The following WWOX variants were observed in gnomAD, a reference collection of about 807,000 sequenced individuals.
WWOX encodes the protein WW domain containing oxidoreductase.
WWOX carries 69 observed loss-of-function variants against 46.2 expected under a neutral mutation model. The ratio of observed to expected loss-of-function variants is 1.49; its 90% CI spans 1.23 to 1.82. WWOX has a LOEUF of 1.82. WWOX is among the 40% of genes most tolerant of loss of function. The pLI is 0.00. For synonymous variants in WWOX, 359 were observed against 202.6 expected, an observed-to-expected ratio of 1.77 and a Z score of -6.56; for missense variants, 919 against 542.6, an observed-to-expected ratio of 1.69 and a Z score of -6.89.
rs117481092 is a variant in WWOX at position 78,903,715 on chromosome 16, G to A, written c.1057-307893G>A. ...CACCTGGACACTTCGCTCTAGGCACGTGTCTTCTTCAAGCTGCCATCCATT... is the reference window on the plus strand; with the variant it reads ...CACCTGGACACTTCGCTCTAGGCACATGTCTTCTTCAAGCTGCCATCCATT... On this transcript the variant is annotated intron_variant, in intron 8 of 8. Coordinates refer to ENST00000566780, the MANE Select transcript of WWOX (RefSeq NM_016373.4). Among the ~76,000 whole-genome samples, 213 of 152,256 alleles carry A rather than the reference G, an allele frequency of 1.4e-3. 6 individuals carry two copies. The East Asian group carries it at 0.04, about 28-fold the overall frequency.
In WWOX at chr16:78,736,574, TTTC is replaced by T. The variant is rs200322234; in HGVS notation, c.1056+303825_1056+303827del. On this transcript the variant is annotated intron_variant, in intron 8 of 8. Transcript: ENST00000566780. ...TTTTCCTTTTCTTCTCTTCTCTTTC[TTTC>T]TTGTTTTGTTTTGTTGTTTTATTTT... is the stretch of plus-strand genomic sequence containing the variant. Among the ~76,000 whole-genome samples the T allele has an allele frequency of 3.9e-3, 582 of 147,862 alleles. 2 individuals carry two copies. Among genetic ancestry groups the T allele is most frequent in the African/African-American group, 0.014 (544 of 38,766 alleles).
intron 5 of WWOX, among the ~76,000 whole-genome samples, chr16:78,242,231 A>G (rs1424242615): frequency 1.3e-5 from 2 of 152,204 alleles, no homozygotes; most frequent in Non-Finnish European, 2.9e-5. Flanking sequence ...GTATTTTATT[A>G]GACATAATTC....
chr16:79,037,230 G>A (rs67991121), intron 8 of WWOX, among the ~76,000 whole-genome samples: 66,328 of 151,962 alleles, frequency 0.44, 15,232 homozygotes, highest in East Asian at 0.65. Flanking sequence ...TCATTTGTTC[G>A]TTCTCTCTCT....
chr16:78,713,402 G>C (rs544831739), intron 8 of WWOX, among the ~76,000 whole-genome samples: 64 of 150,552 alleles, frequency 4.3e-4, no homozygotes, highest in African/African-American at 1.3e-3. Flanking sequence ...TCTTGATGCT[G>C]TTATTATTTG....
intron 8 of WWOX, among the ~76,000 whole-genome samples, chr16:79,009,908 A>C (rs2047269660): frequency 6.6e-6 from 1 of 152,186 alleles, no homozygotes; most frequent in Non-Finnish European, 1.5e-5. Context: ...GGAACTTATC[A>C]AGTTGAGAGA....
intron 8 of WWOX, among the ~76,000 whole-genome samples, chr16:78,811,516 T>G (rs1234710300): frequency 3.3e-5 from 5 of 151,966 alleles, no homozygotes; most frequent in African/African-American, 9.7e-5. Flanking sequence ...TTCTTTTTCC[T>G]TTTTCTCTCT....
Position 78,960,634 on chromosome 16 carries a change from A to C in WWOX, c.1057-250974A>C, listed in dbSNP as rs1021132372. Among the ~76,000 whole-genome samples, 4 of 152,198 alleles carry C rather than the reference A, an allele frequency of 2.6e-5. No homozygotes were observed. In the East Asian group the frequency reaches 7.7e-4, roughly 29 times the overall value. ...AATAAGGAAATTGTCTCTACCTTCAAGGTTCTCACAGTCTGGAGGGAACAG... is the reference window on the plus strand; with the variant it reads ...AATAAGGAAATTGTCTCTACCTTCACGGTTCTCACAGTCTGGAGGGAACAG... On this transcript the variant is annotated intron_variant, in intron 8 of 8. Transcript: ENST00000566780.
At chr16:78,271,495 G>A (rs4519340) in intron 5 of WWOX, among the ~76,000 whole-genome samples, 8,170 of 152,244 alleles carry the variant, frequency 0.054, 416 homozygotes, top group East Asian at 0.25. Context: ...AGCCAACCAC[G>A]AGAGCTTCAC....
At chr16:78,203,151 G>C (rs954483912) in intron 5 of WWOX, among the ~76,000 whole-genome samples, 7 of 152,136 alleles carry the variant, frequency 4.6e-5, no homozygotes, top group African/African-American at 1.7e-4. Flanking sequence ...GGAAGAAAGA[G>C]GCCTGGGAAC....
chr16:78,478,578 C>T (rs1455460771), intron 8 of WWOX, among the ~76,000 whole-genome samples: 1 of 95,324 alleles, frequency 1.0e-5, no homozygotes, highest in Admixed American at 1.2e-4. Context: ...TGCTGTTGCA[C>T]CCCCCACCCC....
At chr16:79,175,194 C>G (rs924484786) in intron 8 of WWOX, among the ~76,000 whole-genome samples, 3 of 152,158 alleles carry the variant, frequency 2.0e-5, no homozygotes, top group East Asian at 1.9e-4. Context: ...ATGCCTCATT[C>G]TAGTTGCTTG....
chr16:79,166,706 C>T (rs1224333011), intron 8 of WWOX, among the ~76,000 whole-genome samples: 2 of 152,196 alleles, frequency 1.3e-5, no homozygotes, highest in Non-Finnish European at 2.9e-5. Flanking sequence ...TCCCTCAAGA[C>T]CGCTGAACTA....
intron 8 of WWOX, among the ~76,000 whole-genome samples, chr16:78,606,218 T>C (rs2045752901): frequency 6.6e-6 from 1 of 152,232 alleles, no homozygotes. Context: ...CACATACTTC[T>C]TTTCAACAAA....
intron 3 of WWOX, among the ~76,000 whole-genome samples, chr16:78,114,515 G>C (rs2032669458): frequency 6.6e-6 from 1 of 152,166 alleles, no homozygotes; most frequent in South Asian, 2.1e-4. Flanking sequence ...AATTTTGGTA[G>C]TTGGCAGGTT....
chr16:78,806,879 C>T (rs1026716050), intron 8 of WWOX, among the ~76,000 whole-genome samples: 14 of 152,250 alleles, frequency 9.2e-5, no homozygotes, highest in East Asian at 5.8e-4. Flanking sequence ...CAGTTCGTGT[C>T]CTGCAGTGGG....
intron 8 of WWOX, among the ~76,000 whole-genome samples, chr16:79,128,625 G>A (rs964614133): frequency 3.3e-5 from 5 of 152,098 alleles, no homozygotes; most frequent in Non-Finnish European, 7.4e-5. Context: ...GAAGGGTCTG[G>A]GCATTTATTT....
intron 8 of WWOX, among the ~76,000 whole-genome samples, chr16:78,537,581 A>C (rs1031132516): frequency 6.6e-6 from 1 of 152,178 alleles, no homozygotes; most frequent in South Asian, 2.1e-4. Context: ...ATTGTTTGCC[A>C]CTGGGAACCA....
In WWOX at chr16:78,360,296, G is replaced by A. The variant is rs569747829; in HGVS notation, c.517-26564G>A. On this transcript the variant is annotated intron_variant, in intron 5 of 8. Transcript: ENST00000566780. ...TAATTTTAGACTCACATAGAAGTTGGAGAAGTAGGCTGGGCACAGTGGCTC... is the reference window on the plus strand; with the variant it reads ...TAATTTTAGACTCACATAGAAGTTGAAGAAGTAGGCTGGGCACAGTGGCTC... 1.2e-4 allele frequency among the ~76,000 whole-genome samples: 19 copies of A among 152,204 alleles called. No homozygotes were observed. The South Asian group carries it at 3.9e-3, about 32-fold the overall frequency.
intron 8 of WWOX, among the ~76,000 whole-genome samples, chr16:79,104,762 A>C (rs1243105570): frequency 6.6e-6 from 1 of 152,160 alleles, no homozygotes; most frequent in Non-Finnish European, 1.5e-5. Context: ...TTGGAGACCT[A>C]CAGAAAAAAA....
Sources: gnomAD v4.1 joint callset for allele counts (sites outside exome capture counted in the v4.1 genomes callset) on GRCh38, gnomAD v4.1.1 for gene constraint, MANE v1.5 for transcripts, NCBI Gene and HGNC (gene_info 2026-07-23, HGNC 2026-07-21) for gene names.